Variants in ANGPT1 observed in about 807,000 individuals in gnomAD.
ANGPT1 encodes the protein angiopoietin-1.
In ANGPT1, 17 loss-of-function variants were observed where a neutral mutation model predicts 62.2. The ratio of observed to expected loss-of-function variants is 0.27; its 90% CI spans 0.19 to 0.41. The LOEUF (loss-of-function observed/expected upper bound fraction) is 0.41, where lower values mean the gene tolerates loss of function less well. ANGPT1 is among the 10% of genes least tolerant of loss of function. The pLI, the probability that ANGPT1 is intolerant of heterozygous loss-of-function variation, is 1.00. For missense variants in ANGPT1, 478 were observed against 594.9 expected (o/e 0.80, Z 2.04); for synonymous variants, 199 against 198.9 (o/e 1.00, Z 0.00).
chr8:107,419,898 G>C (rs1372955852), intron 1 of ANGPT1, among the ~76,000 whole-genome samples: 1 of 152,114 alleles, frequency 6.6e-6, no homozygotes, highest in Non-Finnish European at 1.5e-5. Context: ...ACTGCTATTT[G>C]ATGTCAACCA....
intron 8 of ANGPT1, among the ~76,000 whole-genome samples, chr8:107,259,942 A>C (rs1813454613): frequency 6.6e-6 from 1 of 152,120 alleles, no homozygotes; most frequent in Admixed American, 6.5e-5. Flanking sequence ...AAATCTATAC[A>C]AAAAGTATGC....
chr8:107,449,879 T>A (rs931634720), intron 1 of ANGPT1, among the ~76,000 whole-genome samples: 4 of 152,142 alleles, frequency 2.6e-5, no homozygotes, highest in Admixed American at 2.6e-4. Context: ...TTAAACTTAC[T>A]ATCAAATAAT....
intron 1 of ANGPT1, among the ~76,000 whole-genome samples, chr8:107,388,632 G>A (rs932386013): frequency 1.3e-5 from 2 of 152,014 alleles, no homozygotes; most frequent in African/African-American, 4.8e-5. Flanking sequence ...ACTTTGCATA[G>A]CATAGTCTCT....
chr8:107,359,843 T>C (rs1816122608), intron 1 of ANGPT1, among the ~76,000 whole-genome samples: 1 of 152,218 alleles, frequency 6.6e-6, no homozygotes, highest in South Asian at 2.1e-4. Flanking sequence ...TTTATTTTCT[T>C]CTTGAAATGG....
chr8:107,393,803 C>T (rs946281186), intron 1 of ANGPT1, among the ~76,000 whole-genome samples: 2 of 152,104 alleles, frequency 1.3e-5, no homozygotes, highest in African/African-American at 2.4e-5. Context: ...GGACGAGACT[C>T]CATCTCAAAA....
chr8:107,270,935 T>A (rs536388233), intron 7 of ANGPT1, among the ~76,000 whole-genome samples: 1 of 152,042 alleles, frequency 6.6e-6, no homozygotes, highest in African/African-American at 2.4e-5. Context: ...AAGGCTGTGA[T>A]AAAGACTTAT....
At chr8:107,423,164 T>G (rs540253090) in intron 1 of ANGPT1, among the ~76,000 whole-genome samples, 15 of 152,256 alleles carry the variant, frequency 9.9e-5, no homozygotes, top group African/African-American at 3.6e-4. Flanking sequence ...GTAGGAGTAT[T>G]TACACCATGA....
chr8:107,261,372 T>A (rs1323558741), intron 8 of ANGPT1, among the ~76,000 whole-genome samples: 1 of 151,976 alleles, frequency 6.6e-6, no homozygotes, highest in Non-Finnish European at 1.5e-5. Flanking sequence ...TATTTGATGA[T>A]GTTAAATATG....
At chr8:107,440,753 T>C (rs1297237405) in intron 1 of ANGPT1, among the ~76,000 whole-genome samples, 1 of 152,218 alleles carries the variant, frequency 6.6e-6, no homozygotes, top group Non-Finnish European at 1.5e-5. Flanking sequence ...TTTAGAAATA[T>C]TTCCTCACTT....
At chr8:107,293,650 A>G (rs1471365032) in intron 6 of ANGPT1, among the ~76,000 whole-genome samples, 1 of 152,126 alleles carries the variant, frequency 6.6e-6, no homozygotes, top group East Asian at 1.9e-4. Context: ...CGAAGGTCTG[A>G]GTTCTAGCTT....
intron 8 of ANGPT1, among the ~76,000 whole-genome samples, chr8:107,259,984 T>C (rs1813455162): frequency 6.6e-6 from 1 of 152,156 alleles, no homozygotes; most frequent in African/African-American, 2.4e-5. Flanking sequence ...ATTTTCTTAA[T>C]GTTAAATAGT....
chr8:107,301,173 G>A (rs1814578959), intron 5 of ANGPT1, among the ~76,000 whole-genome samples: 1 of 151,926 alleles, frequency 6.6e-6, no homozygotes, highest in African/African-American at 2.4e-5. Context: ...TTCTAAAATT[G>A]TGAATATTCT....
intron 1 of ANGPT1, among the ~76,000 whole-genome samples, chr8:107,488,184 G>T (rs989694776): frequency 1.3e-5 from 2 of 152,112 alleles, no homozygotes; most frequent in Non-Finnish European, 2.9e-5. Flanking sequence ...TTTACAATTG[G>T]TACCCTTAAA....
intron 1 of ANGPT1, among the ~76,000 whole-genome samples, chr8:107,367,101 T>G (rs1252250031): frequency 6.6e-6 from 1 of 152,110 alleles, no homozygotes; most frequent in Non-Finnish European, 1.5e-5. Flanking sequence ...ACAAACTATA[T>G]GAGATGATAA....
chr8:107,492,241 A>G (rs1586367833), intron 1 of ANGPT1, among the ~76,000 whole-genome samples: 2 of 152,332 alleles, frequency 1.3e-5, no homozygotes, highest in South Asian at 4.1e-4. Flanking sequence ...AATCTTTCTC[A>G]GCAACTGTTA....
intron 8 of ANGPT1, among the ~76,000 whole-genome samples, chr8:107,258,889 C>T (rs1189232447): frequency 6.6e-6 from 1 of 152,082 alleles, no homozygotes; most frequent in Non-Finnish European, 1.5e-5. Context: ...TATGTATTTT[C>T]ACCAGAATAA....
At chr8:107,291,826 C>A (rs1814283523) in intron 6 of ANGPT1, among the ~76,000 whole-genome samples, 1 of 147,548 alleles carries the variant, frequency 6.8e-6, no homozygotes, top group Admixed American at 6.9e-5. Flanking sequence ...CAAATCTGAC[C>A]TAGCATTCCA....
chr8:107,292,648 T>TA (rs1364317943), intron 6 of ANGPT1, among the ~76,000 whole-genome samples: 1 of 152,194 alleles, frequency 6.6e-6, no homozygotes, highest in Admixed American at 6.5e-5. Context: ...CAACTTTGTG[T>TA]AAGTCCAAAC....
chr8:107,346,036 A>G (rs1229356649), intron 2 of ANGPT1, among the ~76,000 whole-genome samples: 6 of 152,174 alleles, frequency 3.9e-5, no homozygotes. Flanking sequence ...TATCTGCTCT[A>G]AGTGATTTTC....
Sources: allele counts gnomAD v4.1 joint callset (sites outside exome capture counted in the v4.1 genomes callset), GRCh38; gene constraint gnomAD v4.1.1; transcripts MANE v1.5; gene names NCBI Gene and HGNC (gene_info 2026-07-23, HGNC 2026-07-21).